DOCK2: variants seen among roughly 807,000 people sequenced by gnomAD.
The protein encoded by DOCK2 is dedicator of cytokinesis protein 2.
DOCK2 carries 87 observed loss-of-function variants against 248.9 expected under a neutral mutation model. That is an observed-to-expected ratio of 0.35 (90% CI 0.29 to 0.42). DOCK2 has a LOEUF of 0.42. Among genes scored for constraint, DOCK2 ranks in the 10% least tolerant of loss-of-function variants. DOCK2 has a pLI of 1.00. For synonymous variants in DOCK2, 805 were observed against 821.6 expected (o/e 0.98, Z 0.35); for missense variants, 1,747 against 2,300.2 (o/e 0.76, Z 4.92).
intron 26 of DOCK2, among the ~76,000 whole-genome samples, chr5:169,814,241 C>A (rs1000235394): frequency 6.6e-6 from 1 of 152,198 alleles, no homozygotes; most frequent in African/African-American, 2.4e-5. Context: ...ACGTCATGTG[C>A]CTCCTGACAC....
chr5:169,742,192 A>G (rs262851), intron 22 of DOCK2, among the ~76,000 whole-genome samples: 134,755 of 152,126 alleles, frequency 0.89, 59,769 homozygotes, highest in East Asian at 0.98. Flanking sequence ...TCTTTATGAA[A>G]ATGCTGATTT....
intron 23 of DOCK2, among the ~76,000 whole-genome samples, chr5:169,756,559 G>T (rs1329940272): frequency 6.6e-6 from 1 of 152,166 alleles, no homozygotes; most frequent in Admixed American, 6.5e-5. Flanking sequence ...TGCGGTGCTG[G>T]GTGGAGAGCT....
chr5:169,816,964 G>T (rs1380691599), intron 26 of DOCK2, among the ~76,000 whole-genome samples: 1 of 152,182 alleles, frequency 6.6e-6, no homozygotes, highest in East Asian at 1.9e-4. Context: ...CTAGCCCACA[G>T]ATGTATTGTG....
chr5:169,730,891 T>TC (rs1762733971), intron 22 of DOCK2, among the ~76,000 whole-genome samples: 1 of 77,738 alleles, frequency 1.3e-5, no homozygotes, highest in African/African-American at 2.1e-4. Flanking sequence ...TCTCTCTCTC[T>TC]TTTTTTTAGA....
intron 27 of DOCK2, among the ~76,000 whole-genome samples, chr5:169,894,624 G>A (rs911185174): frequency 6.6e-6 from 1 of 152,178 alleles, no homozygotes; most frequent in African/African-American, 2.4e-5. Context: ...GGCACAAGCA[G>A]TTTGCAAAAG....
intron 18 of DOCK2, 73 bp from the exon 19 acceptor site, chr5:169,714,287 C>T: frequency 6.2e-7 from 1 of 1,609,354 alleles, no homozygotes; most frequent in South Asian, 1.1e-5. Flanking sequence ...TATGTGCTTG[C>T]AGACCCAAGG....
At chr5:169,737,379 C>A (rs1329108582) in intron 22 of DOCK2, among the ~76,000 whole-genome samples, 1 of 152,064 alleles carries the variant, frequency 6.6e-6, no homozygotes, top group African/African-American at 2.4e-5. Flanking sequence ...CAGGCCATGA[C>A]CTCTAGAAAT....
At position 169,637,382 on chromosome 5, in the gene DOCK2, C is replaced by T; in HGVS notation, c.43+13C>T. 1 of 1,390,812 alleles carries T rather than the reference C, an allele frequency of 7.2e-7. No individual in the cohort carries two copies. The highest frequency in any genetic ancestry group is 9.3e-7 in the Non-Finnish European group (1 of 1,071,706). The allele number at this position is 1,390,812 out of a possible 1,614,324, so 86.2% of individuals were successfully genotyped here. A position where few individuals can be genotyped will look rare whatever the true frequency, so the allele number is the denominator to read the frequency against. ...CGGCACGGCGTGGGTAGGTGCGGGC[C>T]CCAGGGCGCGGCAGGGAGCGGGACA... On this transcript the variant is annotated intron_variant, in intron 1 of 51. Coordinates refer to ENST00000520908, the MANE Select transcript of DOCK2 (RefSeq NM_004946.3).
chr5:169,645,816 C>T (rs1159260069), intron 1 of DOCK2, among the ~76,000 whole-genome samples: 2 of 152,108 alleles, frequency 1.3e-5, no homozygotes, highest in South Asian at 2.1e-4. Context: ...GGAGCAATCT[C>T]GGCTCACTGC....
intron 14 of DOCK2, among the ~76,000 whole-genome samples, chr5:169,703,242 G>C (rs779600604): frequency 3.7e-4 from 57 of 152,154 alleles, no homozygotes; most frequent in Non-Finnish European, 7.6e-4. Context: ...CATCAGAGAG[G>C]GGATGTGAAG....
chr5:169,909,881 A>G (rs1774498189), intron 27 of DOCK2, among the ~76,000 whole-genome samples: 2 of 152,176 alleles, frequency 1.3e-5, no homozygotes, highest in African/African-American at 4.8e-5. Context: ...AATATCACTG[A>G]GTTGTTTACT....
chr5:169,714,717 C>T (rs998512376), intron 19 of DOCK2, among the ~76,000 whole-genome samples: 4 of 152,124 alleles, frequency 2.6e-5, no homozygotes, highest in Non-Finnish European at 5.9e-5. Context: ...GGGTGTAAAT[C>T]CCAGCTCTCC....
intron 27 of DOCK2, among the ~76,000 whole-genome samples, chr5:169,904,063 G>A (rs969348009): frequency 7.1e-6 from 1 of 140,744 alleles, no homozygotes; most frequent in Admixed American, 7.5e-5. Context: ...ATTGACTCCA[G>A]CCTGGGCAAC....
intron 35 of DOCK2, 103 bp downstream of exon 35, chr5:170,034,658 G>T (rs1756261002): frequency 1.4e-6 from 2 of 1,468,744 alleles, no homozygotes; most frequent in Non-Finnish European, 9.1e-7. Flanking sequence ...CAGTGCTTAA[G>T]GGCTTTGGAA....
chr5:170,032,009 T>C (rs570712356), intron 34 of DOCK2, among the ~76,000 whole-genome samples: 3 of 151,584 alleles, frequency 2.0e-5, no homozygotes, highest in Non-Finnish European at 2.9e-5. Context: ...TGCAAAGTCT[T>C]GGACAAAACC....
chr5:169,917,104 A>G (rs1389723671), intron 27 of DOCK2, among the ~76,000 whole-genome samples: 1 of 152,208 alleles, frequency 6.6e-6, no homozygotes, highest in African/African-American at 2.4e-5. Context: ...TGATCAAGCC[A>G]CCAAATCTCA....
intron 23 of DOCK2, among the ~76,000 whole-genome samples, chr5:169,748,310 C>T (rs980540784): frequency 6.6e-6 from 1 of 152,070 alleles, no homozygotes; most frequent in Admixed American, 6.5e-5. Context: ...TGGAAGTCAG[C>T]CTGGGGAATG....
At chr5:169,783,362 T>C (rs1278565725) in intron 25 of DOCK2, among the ~76,000 whole-genome samples, 1 of 152,184 alleles carries the variant, frequency 6.6e-6, no homozygotes, top group Admixed American at 6.5e-5. Flanking sequence ...GGGTTTTCCA[T>C]TTGGTTTCAT....
chr5:169,939,037 G>A (rs1485703829), intron 27 of DOCK2, among the ~76,000 whole-genome samples: 1 of 151,528 alleles, frequency 6.6e-6, no homozygotes. Context: ...GGGAGTAGCT[G>A]GGACTACAGG....
Sources: allele counts gnomAD v4.1 joint callset (sites outside exome capture counted in the v4.1 genomes callset), GRCh38; gene constraint gnomAD v4.1.1; transcripts MANE v1.5; gene names NCBI Gene and HGNC (gene_info 2026-07-23, HGNC 2026-07-21).